Variants in C2orf92 observed in about 807,000 individuals in gnomAD.
C2orf92 encodes chromosome 2 open reading frame 92.
chr2:97,665,706 T>C, upstream of C2orf92: 1 of 78,256 alleles, frequency 1.3e-5, no homozygotes, highest in Admixed American at 1.4e-4. Context: ...TCTCTCTCTC[T>C]CTCTCTCTCT....
chr2:97,664,604 T>C (rs1448842090), intron 1 of C2orf92: 1 of 151,610 alleles, frequency 6.6e-6, no homozygotes, highest in Non-Finnish European at 1.5e-5. Context: ...CCGTAGAGAC[T>C]GTTAAAAATT....
upstream of C2orf92, chr2:97,665,715 CTCTCTCTCTCTCTCTCTCTCTCTATATA>C (rs1247690446): frequency 7.1e-4 from 33 of 46,216 alleles, no homozygotes; most frequent in East Asian, 5.2e-3. Flanking sequence ...CTCTCTCTCT[CTCTCTCTCTCTCTCTCTCTCTCTATATA>C]TATATATATA....
At chr2:97,691,833 A>G (rs1676149095) in intron 5 of C2orf92, among the ~76,000 whole-genome samples, 1 of 152,150 alleles carries the variant, frequency 6.6e-6, no homozygotes, top group African/African-American at 2.4e-5. Context: ...GGTTGCAGCG[A>G]GCTGAGATCG....
intron 1 of C2orf92, chr2:97,671,676 T>A (rs947438893): frequency 2.6e-6 from 1 of 388,062 alleles, no homozygotes; most frequent in Non-Finnish European, 4.5e-6. Flanking sequence ...AAACAGATGA[T>A]AAACACCTCA....
intron 6 of C2orf92, among the ~76,000 whole-genome samples, chr2:97,699,608 A>T (rs552235749): frequency 5.3e-5 from 8 of 152,138 alleles, no homozygotes; most frequent in South Asian, 2.1e-4. Context: ...TCAATCTAAA[A>T]AAATAAATAA....
chr2:97,683,576 G>C (rs1406510005), intron 3 of C2orf92, among the ~76,000 whole-genome samples: 1 of 149,358 alleles, frequency 6.7e-6, no homozygotes, highest in Non-Finnish European at 1.5e-5. Flanking sequence ...TGCCCAAAGT[G>C]ATCTGCACAT....
rs77075848 is a variant in C2orf92, at chr2:97,677,000, G to A, written c.232+1072G>A. ...GTCCCTTTACCAAAACAACAACTGA[G>A]CTGGCAAGAACTATGTTAAGTAGCT... On this transcript the variant is annotated intron_variant, in intron 3 of 7. Transcript: ENST00000627399. 8.5e-3 allele frequency among the ~76,000 whole-genome samples: 1,302 copies of A among 152,328 alleles called. 22 individuals are homozygous for A. The highest frequency in any genetic ancestry group is 0.029 in the African/African-American group (1,225 of 41,578).
At chr2:97,692,611 T>C (rs1676175081) in intron 5 of C2orf92, among the ~76,000 whole-genome samples, 1 of 152,112 alleles carries the variant, frequency 6.6e-6, no homozygotes, top group Non-Finnish European at 1.5e-5. Context: ...GGTTTCACCA[T>C]GTTGGCCAGG....
upstream of C2orf92, among the ~76,000 whole-genome samples, chr2:97,666,126 C>T (rs934749957): frequency 2.0e-5 from 3 of 151,964 alleles, no homozygotes; most frequent in African/African-American, 7.3e-5. Context: ...ATTGGAGCAT[C>T]TGGACATTTT....
intron 4 of C2orf92, 89 bp downstream of exon 4, chr2:97,689,082 C>T: frequency 2.5e-6 from 1 of 397,470 alleles, no homozygotes; most frequent in South Asian, 1.3e-4. Context: ...TACTAGCAGT[C>T]TTTAAACCAA....
At chr2:97,687,562 G>T (rs1676005246) in intron 3 of C2orf92, among the ~76,000 whole-genome samples, 2 of 151,800 alleles carry the variant, frequency 1.3e-5, no homozygotes, top group African/African-American at 4.8e-5. Context: ...AGGGTGCCTG[G>T]GCTGTGCATC....
chr2:97,671,737 C>A (rs537257751), intron 1 of C2orf92: 1 of 359,562 alleles, frequency 2.8e-6, no homozygotes, highest in Non-Finnish European at 4.9e-6. Context: ...TGTGGGACTG[C>A]GGCGTCAGAT....
intron 3 of C2orf92, among the ~76,000 whole-genome samples, chr2:97,681,547 G>A (rs1675775010): frequency 6.6e-6 from 1 of 152,192 alleles, no homozygotes; most frequent in Admixed American, 6.5e-5. Context: ...AATGCCAAGA[G>A]GGAGATTTAT....
chr2:97,697,976 C>T (rs530095040), intron 5 of C2orf92: 1 of 152,024 alleles, frequency 6.6e-6, no homozygotes, highest in African/African-American at 2.4e-5. Context: ...TGACAGTTCT[C>T]TATCTCTCTG....
chr2:97,698,941 T>G, intron 5 of C2orf92, 85 bp from the exon 6 acceptor site: 1 of 396,454 alleles, frequency 2.5e-6, no homozygotes, highest in Non-Finnish European at 4.4e-6. Flanking sequence ...TCACTTTGAG[T>G]CTAGAAGAAG....
upstream of C2orf92, among the ~76,000 whole-genome samples, chr2:97,666,529 CAAAAAAA>C (rs34223345): frequency 1.8e-4 from 13 of 70,402 alleles, no homozygotes; most frequent in Non-Finnish European, 9.9e-5. Context: ...GACTCCGTCT[CAAAAAAA>C]AAAAAAAAAA....
chr2:97,682,737 C>T (rs2104564290), intron 3 of C2orf92, among the ~76,000 whole-genome samples: 1 of 151,580 alleles, frequency 6.6e-6, no homozygotes, highest in African/African-American at 2.4e-5. Context: ...GCAGATATAG[C>T]ATTTGACAAA....
chr2:97,665,173 A>G (rs982248064), upstream of C2orf92, among the ~76,000 whole-genome samples: 3 of 152,202 alleles, frequency 2.0e-5, no homozygotes, highest in Non-Finnish European at 4.4e-5. Context: ...AGAGTGCAGG[A>G]TAGTTGAGTT....
intron 3 of C2orf92, among the ~76,000 whole-genome samples, chr2:97,684,181 G>A (rs1014703484): frequency 5.9e-5 from 9 of 151,892 alleles, no homozygotes; most frequent in East Asian, 1.9e-4. Context: ...GACTACAGGC[G>A]CCCGCCACCA....
Sources: allele counts gnomAD v4.1 joint callset (sites outside exome capture counted in the v4.1 genomes callset), GRCh38; gene constraint gnomAD v4.1.1; transcripts MANE v1.5; gene names NCBI Gene and HGNC (gene_info 2026-07-23, HGNC 2026-07-21).